The following CHPF variants were observed in gnomAD, a reference collection of about 807,000 sequenced individuals.
CHPF encodes the protein chondroitin polymerizing factor.
Under a neutral mutation model 55.1 loss-of-function variants are expected in CHPF, and 34 were observed. The observed-to-expected ratio is 0.62, with a 90% confidence interval of 0.47 to 0.82. The LOEUF is 0.82. Ranked by LOEUF, CHPF falls within the 40% of genes least tolerant of loss-of-function variation. The pLI is 0.00. For missense variants in CHPF, 961 were observed against 1,106.1 expected (o/e 0.87, Z 1.86); for synonymous variants, 489 against 496.6 (o/e 0.98, Z 0.20).
Position 219,539,977 on chromosome 2 carries a change from G to A in CHPF, c.1734C>T (p.Pro578=), listed in dbSNP as rs747062728. 3.1e-5 allele frequency: 50 copies of A among 1,613,546 alleles called. No homozygotes were observed. Among genetic ancestry groups the A allele is most frequent in the African/African-American group, 2.3e-4 (17 of 74,942 alleles). Residue 578 remains proline, a synonymous_variant, in exon 4 of 4, where the codon CCC becomes CCT. Transcript: ENST00000243776. Reference sequence around the variant, plus strand: ...CACTGAGCCATGGCACCCGGGCACCGGGGAAACGCCGCTCCAGCTCTGCCA... The same window carrying A: ...CACTGAGCCATGGCACCCGGGCACCAGGGAAACGCCGCTCCAGCTCTGCCA... ...AHVAELERRF[P]GARVPWLSVQ...
At position 219,539,614 on chromosome 2, in the gene CHPF, C is replaced by T. The variant is rs114128742; in HGVS notation, c.2097G>A (p.Glu699=). 2.0e-3 allele frequency: 3,220 copies of T among 1,613,946 alleles called. 55 individuals are homozygous for T. The African/African-American group carries it at 0.036, about 18-fold the overall frequency. The part of the protein sequence containing the change: ...GRLAAASEQE[E]ELLESLDVYE... ...ACACATCCAGGCTCTCCAGCAGCTC[C>T]TCTTCTTGTTCTGAGGCTGCCGCCA... The change falls in exon 4 of 4, where the codon GAG becomes GAA. Residue 699 remains glutamate (E), a synonymous_variant. Coordinates refer to ENST00000243776, the MANE Select transcript of CHPF (RefSeq NM_024536.6).
At position 219,539,529 on chromosome 2, in the gene CHPF, G is replaced by A. The variant is rs1235191820; in HGVS notation, c.2182C>T (p.Leu728=). 6.2e-7 allele frequency: 1 copy of A among 1,613,794 alleles called. No homozygotes were observed. The highest frequency in any genetic ancestry group is 1.1e-5 in the South Asian group (1 of 91,068). ...HVLRAVEPAL[L]QRYRAQTCSA... Reference sequence around the variant, plus strand: ...CACGTCTGGGCCCGGTAGCGCTGCAGCAGCGCCGGCTCCACCGCCCGCAGC... The same window carrying A: ...CACGTCTGGGCCCGGTAGCGCTGCAACAGCGCCGGCTCCACCGCCCGCAGC... The change falls in exon 4 of 4, where the codon CTG becomes TTG. Residue 728 remains leucine (L), a synonymous_variant. Coordinates refer to ENST00000243776, the MANE Select transcript of CHPF (RefSeq NM_024536.6).
At position 219,540,275 on chromosome 2, in the gene CHPF, C is replaced by T. The variant is rs147396475; in HGVS notation, c.1436G>A (p.Arg479Gln). Residue 479 changes from arginine (R) to glutamine (Q), a missense_variant, in exon 4 of 4, where the codon CGG becomes CAG. Physicochemically the swap from Arg to Gln is conservative, Grantham distance 43 (BLOSUM62 1). This residue lies in a region of CHPF where 936 missense variants were observed against 1,058.4 expected (regional missense o/e 0.88). Coordinates refer to ENST00000243776, the MANE Select transcript of CHPF (RefSeq NM_024536.6). ...LEALTPQGGR[R>Q]PLTRRVQLLR... ...CAGCTGCACTCGGCGAGTGAGGGGC[C>T]GGCGGCCTCCCTGGGGGGTCAGTGC... The T allele has an allele frequency of 1.6e-4, 262 of 1,613,738 alleles. No individual in the cohort carries two copies. In the East Asian group the frequency reaches 3.4e-3, roughly 21 times the overall value.
intron 1 of CHPF, 35 bp from the exon 2 acceptor site, chr2:219,542,224 A>C (rs1303568648): frequency 1.1e-5 from 4 of 347,910 alleles, no homozygotes; most frequent in South Asian, 2.8e-4. Flanking sequence ...TATCAAAAGG[A>C]CAACGGGGCG....
chr2:219,540,029 T>A lies in CHPF; in HGVS notation c.1682A>T (p.Asp561Val). The change falls in exon 4 of 4, where the codon GAT becomes GTT. Residue 561 changes from aspartate (D) to valine (V), a missense_variant. This residue lies in a region of CHPF where 936 missense variants were observed against 1,058.4 expected (regional missense o/e 0.88). Transcript: ENST00000243776. The stretch of plus-strand genomic sequence containing the variant: ...GTGGGCCTTGACAGGTGCGAAGACA[T>A]CTGCATGGGCCACGCGCTGGGCCTG... Reference protein sequence around the residue: ...PRQAQRVAHADVFAPVKAHVA... With the variant: ...PRQAQRVAHAVVFAPVKAHVA... 1 of 1,613,280 alleles carries A rather than the reference T, an allele frequency of 6.2e-7. No individual in the cohort carries two copies. Among genetic ancestry groups the A allele is most frequent in the Non-Finnish European group, 8.5e-7 (1 of 1,179,854 alleles).
At position 219,543,315 on chromosome 2, in the gene CHPF, C is replaced by G. The variant is rs778802501; in HGVS notation, c.224G>C (p.Gly75Ala). 6.4e-7 allele frequency: 1 copy of G among 1,573,758 alleles called. No individual in the cohort carries two copies. Among genetic ancestry groups the G allele is most frequent in the East Asian group, 2.4e-5 (1 of 41,954 alleles). The stretch of plus-strand genomic sequence containing the variant: ...ATTCTCCCCGGCGCCTTCGCCGGCC[C>G]CGGGCTTCTCGCGCTCCGCTCCGGG... Reference protein sequence around the residue: ...VQPGAEREKPGAGEGAGENWE... With the variant: ...VQPGAEREKPAAGEGAGENWE... The change falls in exon 1 of 4, where the codon GGG (glycine) becomes GCG (alanine). Residue 75 changes from glycine to alanine, a missense_variant. Physicochemically the swap from Gly to Ala is moderately conservative, Grantham distance 60. This residue lies in a region of CHPF where 936 missense variants were observed against 1,058.4 expected (regional missense o/e 0.88). Transcript: ENST00000243776.
intron 2 of CHPF, 105 bp downstream of exon 2, chr2:219,541,511 C>T (rs1695268047): frequency 2.2e-6 from 2 of 904,440 alleles, no homozygotes; most frequent in African/African-American, 1.7e-5. Context: ...AAATAAATGT[C>T]CGAATTGGCA....
rs1484423800 is a variant in CHPF at position 219,539,494 on chromosome 2, C to T, written c.2217G>A (p.Arg739=). 1.2e-6 allele frequency: 2 copies of T among 1,613,700 alleles called. No individual in the cohort carries two copies. The highest frequency in any genetic ancestry group is 8.5e-7 in the Non-Finnish European group (1 of 1,179,874). The change falls in exon 4 of 4, where the codon AGG becomes AGA. Residue 739 remains arginine, a synonymous_variant. Transcript: ENST00000243776. Reference sequence around the variant, plus strand: ...AGCGGTGGTACAGGTCCTCACTGAGCCTCGCGCTGCACGTCTGGGCCCGGT... The same window carrying T: ...AGCGGTGGTACAGGTCCTCACTGAGTCTCGCGCTGCACGTCTGGGCCCGGT... ...QRYRAQTCSA[R]LSEDLYHRCL...
rs1414883060 is a variant in CHPF at position 219,540,518 on chromosome 2, G to A, written c.1193C>T (p.Thr398Met). The change falls in exon 4 of 4, where the codon ACG (threonine) becomes ATG (methionine). Residue 398 changes from threonine (T) to methionine (M), a missense_variant. This residue lies in a region of CHPF where 936 missense variants were observed against 1,058.4 expected (regional missense o/e 0.88). Coordinates refer to ENST00000243776, the MANE Select transcript of CHPF (RefSeq NM_024536.6). ...RFEVLRWDYF[T>M]EQHAFSCADG... Reference sequence around the variant, plus strand: ...GGCGCAGGAGAAAGCGTGCTGCTCCGTGAAGTAGTCCCAGCGCAGCACCTC... The same window carrying A: ...GGCGCAGGAGAAAGCGTGCTGCTCCATGAAGTAGTCCCAGCGCAGCACCTC... 10 of 1,613,922 alleles carry A rather than the reference G, an allele frequency of 6.2e-6. No individual in the cohort carries two copies. Among genetic ancestry groups the A allele is most frequent in the Admixed American group, 3.3e-5 (2 of 60,000 alleles).
rs1262029568 is a variant in CHPF at position 219,543,605 on chromosome 2, G to A, written c.-67C>T. 8.2e-7 allele frequency: 1 copy of A among 1,223,222 alleles called. No homozygotes were observed. Among genetic ancestry groups the A allele is most frequent in the Admixed American group, 4.2e-5 (1 of 23,884 alleles). 75.8% of individuals were successfully genotyped at this position (1,223,222 alleles called of 1,614,324 possible). Reference sequence around the variant, plus strand: ...AGCAGCCAGAGGAGTCTCCGAGGGGGCGGGACCGGGGAGGGGGCGGATCCG... The same window carrying A: ...AGCAGCCAGAGGAGTCTCCGAGGGGACGGGACCGGGGAGGGGGCGGATCCG... On this transcript the variant is annotated 5_prime_UTR_variant, in exon 1 of 4. Transcript: ENST00000243776.
At position 219,543,601 on chromosome 2, in the gene CHPF, G is replaced by A; in HGVS notation, c.-63C>T. On this transcript the variant is annotated 5_prime_UTR_variant, in exon 1 of 4. Coordinates refer to ENST00000243776, the MANE Select transcript of CHPF (RefSeq NM_024536.6). ...CCAGAGCAGCCAGAGGAGTCTCCGAGGGGGCGGGACCGGGGAGGGGGCGGA... is the reference window on the plus strand; with the variant it reads ...CCAGAGCAGCCAGAGGAGTCTCCGAAGGGGCGGGACCGGGGAGGGGGCGGA... 5 of 1,245,296 alleles carry A rather than the reference G, an allele frequency of 4.0e-6. No homozygotes were observed. In the South Asian group the frequency reaches 1.2e-4, roughly 30 times the overall value. 77.1% of individuals were successfully genotyped at this position (1,245,296 alleles called of 1,614,324 possible).
In CHPF at chr2:219,541,117, G is replaced by A. The variant is rs774975798; in HGVS notation, c.897C>T (p.His299=). 6.2e-7 allele frequency: 1 copy of A among 1,600,796 alleles called. No individual in the cohort carries two copies. Among genetic ancestry groups the A allele is most frequent in the Non-Finnish European group, 8.5e-7 (1 of 1,174,886 alleles). ...CAGGGCTCAGCTCCAGATGGCTATA[G>A]TGCACCCCCTGGGGAGAGGAAGGGA... ...VGCTGDHEGV[H]YSHLELSPGE... The change falls in exon 3 of 4, where the codon CAC becomes CAT. Residue 299 remains histidine (H), a synonymous_variant. Coordinates refer to ENST00000243776, the MANE Select transcript of CHPF (RefSeq NM_024536.6).
rs892744734 is a variant in CHPF at position 219,541,051 on chromosome 2, G to A, written c.963C>T (p.Ala321=). The change falls in exon 3 of 4, where the codon GCC becomes GCT. Residue 321 remains alanine (A), a synonymous_variant. Transcript: ENST00000243776. The part of the protein sequence containing the change: ...VQEGDPHFRS[A]LTAHPVRDPV... ...GGTCACGCACAGGGTGGGCTGTCAG[G>A]GCACTTCGGAAATGAGGGTCCCCCT... is the stretch of plus-strand genomic sequence containing the variant. 2 of 1,613,664 alleles carry A rather than the reference G, an allele frequency of 1.2e-6. No homozygotes were observed. The highest frequency in any genetic ancestry group is 1.7e-6 in the Non-Finnish European group (2 of 1,179,828).
intron 2 of CHPF, 104 bp downstream of exon 2, chr2:219,541,512 C>T (rs1695268082): frequency 1.1e-6 from 1 of 920,644 alleles, no homozygotes. Flanking sequence ...AATAAATGTC[C>T]GAATTGGCAT....
chr2:219,541,690 T>A lies in CHPF; in HGVS notation c.814A>T (p.Ser272Cys). ...CCCAGCCACTCGTCAGGGCGCGCAC[T>A]GACGATGTCGTTGCGGCAGCCTTCC... Reference protein sequence around the residue: ...HLEGCRNDIVSARPDEWLGRC... With the variant: ...HLEGCRNDIVCARPDEWLGRC... The change falls in exon 2 of 4, where the codon AGT becomes TGT. Residue 272 changes from serine (S) to cysteine (C), a missense_variant. By Grantham distance (112) the Ser-to-Cys change is moderately radical (BLOSUM62 -1). This residue lies in a region of CHPF where 936 missense variants were observed against 1,058.4 expected (regional missense o/e 0.88). Coordinates refer to ENST00000243776, the MANE Select transcript of CHPF (RefSeq NM_024536.6). The A allele has an allele frequency of 6.2e-7, 1 of 1,611,456 alleles. No individual in the cohort carries two copies. The highest frequency in any genetic ancestry group is 8.5e-7 in the Non-Finnish European group (1 of 1,178,610).
In CHPF at chr2:219,542,168, C is replaced by T. The variant is rs1202114593; in HGVS notation, c.336G>A (p.Glu112=). ...CCAGCAGCCTCTGCCTGATGCCCAGCTCCGTGCTGATGTAGCGGGTCCTAG... is the reference window on the plus strand; with the variant it reads ...CCAGCAGCCTCTGCCTGATGCCCAGTTCCGTGCTGATGTAGCGGGTCCTAG... The part of the protein sequence containing the change: ...KAVRTRYIST[E]LGIRQRLLVA... Residue 112 remains glutamate, a synonymous_variant, in exon 2 of 4, where the codon GAG becomes GAA. Coordinates refer to ENST00000243776, the MANE Select transcript of CHPF (RefSeq NM_024536.6). 1.3e-6 allele frequency: 2 copies of T among 1,518,474 alleles called. No individual in the cohort carries two copies. The highest frequency in any genetic ancestry group is 1.8e-6 in the Non-Finnish European group (2 of 1,140,112). The allele number at this position is 1,518,474 out of a possible 1,614,324, so 94.1% of individuals were successfully genotyped here.
rs1218268684 is a variant in CHPF at position 219,541,122 on chromosome 2, C to A, written c.892G>T (p.Val298Leu). The A allele has an allele frequency of 1.3e-6, 2 of 1,583,538 alleles. No individual in the cohort carries two copies. Among genetic ancestry groups the A allele is most frequent in the Admixed American group, 1.9e-5 (1 of 51,696 alleles). ...GVGCTGDHEGVHYSHLELSPG... is the reference protein window; with the variant it reads ...GVGCTGDHEGLHYSHLELSPG... ...CTCAGCTCCAGATGGCTATAGTGCACCCCCTGGGGAGAGGAAGGGAAGGGA... is the reference window on the plus strand; with the variant it reads ...CTCAGCTCCAGATGGCTATAGTGCAACCCCTGGGGAGAGGAAGGGAAGGGA... The change falls in exon 3 of 4, where the codon GTG becomes TTG. Residue 298 changes from valine to leucine, a missense_variant. By Grantham distance (32) the Val-to-Leu change is conservative. Around this residue, in one of 3 missense-constraint regions of CHPF, gnomAD observed 936 missense variants for 1,058.4 expected, o/e 0.88. Coordinates refer to ENST00000243776, the MANE Select transcript of CHPF (RefSeq NM_024536.6).
At position 219,539,249 on chromosome 2, in the gene CHPF, A is replaced by G; in HGVS notation, c.*134T>C. The G allele has an allele frequency of 1.2e-6, 1 of 824,854 alleles. No homozygotes were observed. The highest frequency in any genetic ancestry group is 1.9e-6 in the Non-Finnish European group (1 of 540,244). The allele number at this position is 824,854 out of a possible 1,614,324, so 51.1% of individuals were successfully genotyped here. Reference sequence around the variant, plus strand: ...AGAGCCCAGGGACCCACAGAGCCAGAGAGGGGACCAGTGGGCCAGCTTGGG... The same window carrying G: ...AGAGCCCAGGGACCCACAGAGCCAGGGAGGGGACCAGTGGGCCAGCTTGGG... On this transcript the variant is annotated 3_prime_UTR_variant, in exon 4 of 4. Transcript: ENST00000243776.
chr2:219,539,665 G>A lies in CHPF; in HGVS notation c.2046C>T (p.Ser682=), dbSNP rs1189739945. 7 of 1,613,550 alleles carry A rather than the reference G, an allele frequency of 4.3e-6. No homozygotes were observed. The Admixed American group carries it at 5.0e-5, about 12-fold the overall frequency. Residue 682 remains serine, a synonymous_variant, in exon 4 of 4, where the codon TCC becomes TCT. Transcript: ENST00000243776. ...QAASEACFYN[S]DYVAARGRLA... ...GGCGCCCACGGGCTGCCACATAGTCGGAGTTGTAGAAGCAGGCCTCGCTGG... is the reference window on the plus strand; with the variant it reads ...GGCGCCCACGGGCTGCCACATAGTCAGAGTTGTAGAAGCAGGCCTCGCTGG...
Sources: allele counts gnomAD v4.1 joint callset, GRCh38; gene constraint gnomAD v4.1.1; regional missense constraint gnomAD v4.1.1; transcripts MANE v1.5; gene names NCBI Gene and HGNC (gene_info 2026-07-23, HGNC 2026-07-21).